Variants in FRMD5 observed in about 807,000 individuals in gnomAD.
FRMD5 encodes FERM domain-containing protein 5.
FRMD5 carries 20 observed loss-of-function variants against 69.0 expected under a neutral mutation model. The observed-to-expected ratio is 0.29, with a 90% CI of 0.20 to 0.42. FRMD5 has a LOEUF of 0.42. Among genes scored for constraint, FRMD5 ranks in the 10% least tolerant of loss-of-function variants. The pLI is 1.00. For missense variants in FRMD5, 595 were observed against 708.6 expected, an observed-to-expected ratio of 0.84 and a Z score of 1.82; for synonymous variants, 271 against 260.1, an observed-to-expected ratio of 1.04 and a Z score of -0.40.
At chr15:43,924,357 G>C (rs2089545728) in intron 1 of FRMD5, 48 bp from the exon 2 acceptor site, 1 of 1,335,394 alleles carries the variant, frequency 7.5e-7, no homozygotes, top group Non-Finnish European at 1.0e-6. Context: ...TTTCTTCAGT[G>C]TAACTTTTTT....
intron 1 of FRMD5, among the ~76,000 whole-genome samples, chr15:44,160,658 GA>G (rs1359581971): frequency 2.0e-5 from 3 of 152,146 alleles, no homozygotes; most frequent in Admixed American, 2.0e-4. Context: ...TATATATCAT[GA>G]TTTATTCAAC....
chr15:44,198,630 C>A (rs1211577867), upstream of FRMD5, among the ~76,000 whole-genome samples: 1 of 151,370 alleles, frequency 6.6e-6, no homozygotes, highest in African/African-American at 2.4e-5. Flanking sequence ...GCAGAAGAAT[C>A]AATTGAGCCA....
chr15:43,924,390 TG>T, intron 1 of FRMD5, 81 bp from the exon 2 acceptor site: 3 of 918,110 alleles, frequency 3.3e-6, no homozygotes, highest in Non-Finnish European at 5.3e-6. Context: ...CATTAAAAGT[TG>T]TTTGTAACTG....
At chr15:44,179,436 T>A (rs1289857045) in intron 1 of FRMD5, among the ~76,000 whole-genome samples, 1 of 152,190 alleles carries the variant, frequency 6.6e-6, no homozygotes, top group African/African-American at 2.4e-5. Context: ...GGATTATACA[T>A]AAAAAACAAA....
At chr15:43,888,063 TG>T in intron 10 of FRMD5, 111 bp downstream of exon 10, 1 of 747,696 alleles carries the variant, frequency 1.3e-6, no homozygotes. Flanking sequence ...GTCAAGCTCT[TG>T]CCCACTTCCA....
rs182041198 is a variant in FRMD5, at chr15:44,131,593, G to A, written c.102+63360C>T. ...CAAAGTGTGGGATATACATACAATG[G>A]AATATTATTCAGCCTTTAAAAGGAA... On this transcript the variant is annotated intron_variant, in intron 1 of 13. Coordinates refer to ENST00000417257, the MANE Select transcript of FRMD5 (RefSeq NM_032892.5). 4.3e-3 allele frequency among the ~76,000 whole-genome samples: 656 copies of A among 152,198 alleles called. 1 individual carries two copies. The highest frequency in any genetic ancestry group is 0.014 in the Middle Eastern group (4 of 294).
Position 44,140,707 on chromosome 15 carries a change from C to A in FRMD5, c.102+54246G>T, listed in dbSNP as rs2077258016. Among the ~76,000 whole-genome samples, 3 of 151,270 alleles carry A rather than the reference C, an allele frequency of 2.0e-5. No homozygotes were observed. In the South Asian group the frequency reaches 6.3e-4, roughly 32 times the overall value. ...CAGTCTGGGCAACATGGCAAAACCC[C>A]AACTCTACAAAAAATACAAAAAAAA... On this transcript the variant is annotated intron_variant, in intron 1 of 13. Coordinates refer to ENST00000417257, the MANE Select transcript of FRMD5 (RefSeq NM_032892.5).
At chr15:43,879,716 C>T (rs981066587) in intron 13 of FRMD5, 4 of 398,968 alleles carry the variant, frequency 1.0e-5, no homozygotes, top group Admixed American at 4.4e-5. Flanking sequence ...ACCAGCTGAT[C>T]TCTTCAGAGA....
chr15:44,044,783 G>A (rs925476095), intron 1 of FRMD5, among the ~76,000 whole-genome samples: 2 of 152,130 alleles, frequency 1.3e-5, no homozygotes, highest in African/African-American at 4.8e-5. Flanking sequence ...GGCTAGGGGA[G>A]AGATAGCATT....
chr15:44,032,658 T>A (rs558245220), intron 1 of FRMD5, among the ~76,000 whole-genome samples: 36 of 152,268 alleles, frequency 2.4e-4, no homozygotes, highest in Admixed American at 3.9e-4. Flanking sequence ...GGAGATACCA[T>A]CTCACACCAG....
At chr15:44,007,637 A>ATT (rs35512441) in intron 1 of FRMD5, among the ~76,000 whole-genome samples, 49,757 of 81,482 alleles carry the variant, frequency 0.61, 16,505 homozygotes, top group South Asian at 0.74. Flanking sequence ...TAATTAACTA[A>ATT]TTTTTTTTTT....
At chr15:44,154,224 G>A (rs947355220) in intron 1 of FRMD5, among the ~76,000 whole-genome samples, 3 of 152,126 alleles carry the variant, frequency 2.0e-5, no homozygotes, top group Non-Finnish European at 2.9e-5. Context: ...TCAGGAGGCT[G>A]AGGTGGGAGG....
intron 1 of FRMD5, among the ~76,000 whole-genome samples, chr15:44,082,566 A>T (rs1894040300): frequency 6.6e-6 from 1 of 152,018 alleles, no homozygotes; most frequent in Non-Finnish European, 1.5e-5. Context: ...TCTATGAGAC[A>T]GGAAGTTCCT....
chr15:43,953,745 T>C (rs1238213541), intron 1 of FRMD5, among the ~76,000 whole-genome samples: 1 of 152,246 alleles, frequency 6.6e-6, no homozygotes, highest in Non-Finnish European at 1.5e-5. Context: ...TTGTCATCTG[T>C]TACCTCCATG....
chr15:44,044,549 T>C (rs1183316641), intron 1 of FRMD5, among the ~76,000 whole-genome samples: 1 of 152,216 alleles, frequency 6.6e-6, no homozygotes, highest in Non-Finnish European at 1.5e-5. Flanking sequence ...ATAAACAATA[T>C]ATGGCATATA....
In FRMD5 at chr15:43,878,435, G is replaced by A. The variant is rs183179658; in HGVS notation, c.1136-3973C>T. ...CCTTAGATTTAGGTCTTAATTGCTCGAGAAACTGTTTTGAAATAACCTGAA... is the reference window on the plus strand; with the variant it reads ...CCTTAGATTTAGGTCTTAATTGCTCAAGAAACTGTTTTGAAATAACCTGAA... On this transcript the variant is annotated intron_variant, in intron 13 of 13. Transcript: ENST00000417257. 4.6e-5 allele frequency among the ~76,000 whole-genome samples: 7 copies of A among 152,226 alleles called. No homozygotes were observed. In the South Asian group the frequency reaches 1.2e-3, roughly 27 times the overall value.
At chr15:44,140,551 G>A (rs966370146) in intron 1 of FRMD5, among the ~76,000 whole-genome samples, 2 of 151,894 alleles carry the variant, frequency 1.3e-5, no homozygotes, top group South Asian at 4.2e-4. Context: ...TATCAAAAAT[G>A]TCATTATTTG....
At chr15:43,922,011 C>A (rs2089502164) in intron 2 of FRMD5, among the ~76,000 whole-genome samples, 1 of 152,162 alleles carries the variant, frequency 6.6e-6, no homozygotes, top group African/African-American at 2.4e-5. Context: ...GAGCTCAGCT[C>A]CTCCATCCCT....
intron 1 of FRMD5, among the ~76,000 whole-genome samples, chr15:44,077,966 GTATATTTT>G (rs1245282443): frequency 6.6e-6 from 1 of 152,048 alleles, no homozygotes; most frequent in Non-Finnish European, 1.5e-5. Flanking sequence ...GTTAAACTAT[GTATATTTT>G]TTATGTCTAT....
Sources: gnomAD v4.1 joint callset for allele counts (sites outside exome capture counted in the v4.1 genomes callset) on GRCh38, gnomAD v4.1.1 for gene constraint, MANE v1.5 for transcripts, NCBI Gene and HGNC (gene_info 2026-07-23, HGNC 2026-07-21) for gene names.